The following PRR3 variants were observed in gnomAD, a reference collection of about 807,000 sequenced individuals.
PRR3 encodes proline rich 3.
PRR3 carries 16 observed loss-of-function variants against 22.4 expected under a neutral mutation model. That is an observed-to-expected ratio of 0.71 (90% CI 0.48 to 1.09). PRR3 has a LOEUF of 1.09. PRR3 is among the 50% of genes least tolerant of loss of function. PRR3 has a pLI of 0.00. For missense variants in PRR3, 224 were observed against 243.4 expected (o/e 0.92, Z 0.53); for synonymous variants, 87 against 88.6 (o/e 0.98, Z 0.10).
At chr6:30,557,800 G>A (rs1464178181) in intron 1 of PRR3, among the ~76,000 whole-genome samples, 2 of 152,222 alleles carry the variant, frequency 1.3e-5, no homozygotes, top group Admixed American at 1.3e-4. Flanking sequence ...AAAGGTACAG[G>A]TGCAGCTTTC....
rs370647121 is a variant in PRR3 at position 30,561,793 on chromosome 6, A to G, written c.170-41A>G. On this transcript the variant is annotated intron_variant, in intron 2 of 3. Transcript: ENST00000376560. The surrounding 1 kb of genome is among the most constrained non-coding windows in gnomAD (Gnocchi z 4.0). Reference sequence around the variant, plus strand: ...ACGGTTTATCAGGATTCAGCTGCCCATTAGACACCTTTCTGTGTCTCTCTC... The same window carrying G: ...ACGGTTTATCAGGATTCAGCTGCCCGTTAGACACCTTTCTGTGTCTCTCTC... 2.2e-4 allele frequency: 325 copies of G among 1,481,872 alleles called. 1 individual carries two copies. The highest frequency in any genetic ancestry group is 2.7e-4 in the Non-Finnish European group (306 of 1,114,558). 91.8% of individuals were successfully genotyped at this position (1,481,872 alleles called of 1,614,324 possible).
At position 30,561,622 on chromosome 6, in the gene PRR3, G is replaced by A. The variant is rs1333000759; in HGVS notation, c.170-212G>A. 1 of 603,332 alleles carries A rather than the reference G, an allele frequency of 1.7e-6. No homozygotes were observed. Among genetic ancestry groups the A allele is most frequent in the Non-Finnish European group, 2.9e-6 (1 of 342,046 alleles). 37.4% of individuals were successfully genotyped at this position (603,332 alleles called of 1,614,324 possible). On this transcript the variant is annotated intron_variant, in intron 2 of 3. Transcript: ENST00000376560. This position sits in a 1 kb window ranked among gnomAD's most constrained non-coding sequence, Gnocchi z 4.0. ...TAATGGGAAAAGGGGCACAAGGGGA[G>A]GATCTTTTGAGGTGCTAATAAGGCT...
chr6:30,558,205 TAA>T lies in PRR3; in HGVS notation c.163_164del (p.Lys55ValfsTer28). 6.2e-7 allele frequency: 1 copy of T among 1,612,812 alleles called. No individual in the cohort carries two copies. Among genetic ancestry groups the T allele is most frequent in the Non-Finnish European group, 8.5e-7 (1 of 1,179,864 alleles). ...TGGCCAATGGAAAACCTGGCGACCC[TAA>T]GTCAGGTGAGGAGGAAGGGGCCCTG... is the stretch of plus-strand genomic sequence containing the variant. Reference protein sequence around the residue: ...PMANGKPGDPKSALHRGPPGS... With the variant: ...PMANGKPGDPXSALHRGPPGS... On this transcript the variant is annotated frameshift_variant, in exon 2 of 4. Coordinates refer to ENST00000376560, the MANE Select transcript of PRR3 (RefSeq NM_025263.4). LOFTEE classifies it high-confidence loss of function.
upstream of PRR3, chr6:30,557,014 C>T: frequency 1.5e-6 from 1 of 687,126 alleles, no homozygotes; most frequent in Non-Finnish European, 2.7e-6. Context: ...CTCAGGCCCT[C>T]TGGCCCGAGA....
rs767773231 is a variant in PRR3, at chr6:30,557,329, C to T, written c.-16C>T. On this transcript the variant is annotated 5_prime_UTR_variant, in exon 1 of 4. Transcript: ENST00000376560. Reference sequence around the variant, plus strand: ...ACTACCCTCCAAATCCCGCTGCAGCCATTGCCGCAGACACGATGCCGAAAC... The same window carrying T: ...ACTACCCTCCAAATCCCGCTGCAGCTATTGCCGCAGACACGATGCCGAAAC... The T allele has an allele frequency of 1.3e-6, 2 of 1,599,820 alleles. No individual in the cohort carries two copies. The highest frequency in any genetic ancestry group is 1.7e-6 in the Non-Finnish European group (2 of 1,169,454).
Position 30,561,145 on chromosome 6 carries a change from C to G in PRR3, c.170-689C>G. The G allele has an allele frequency of 3.4e-6, 1 of 293,366 alleles. No homozygotes were observed. Among genetic ancestry groups the G allele is most frequent in the Non-Finnish European group, 6.7e-6 (1 of 149,980 alleles). 18.2% of individuals were successfully genotyped at this position (293,366 alleles called of 1,614,324 possible). ...TGTTGTCAAGGCTATAGGACAACTG[C>G]TGGTGAGAGTGCAAATTGGTATAAC... On this transcript the variant is annotated intron_variant, in intron 2 of 3. Transcript: ENST00000376560. This position sits in a 1 kb window ranked among gnomAD's most constrained non-coding sequence, Gnocchi z 4.0.
Position 30,557,429 on chromosome 6 carries a change from G to C in PRR3, c.85G>C (p.Glu29Gln). ...GCCCGAGCGGGAAGAGACTGGAGAT[G>C]AGGAGGATGGGAGTCCCATCGGTGA... ...PLPEREETGD[E>Q]EDGSPIGPPS... The change falls in exon 1 of 4, where the codon GAG becomes CAG. Residue 29 changes from glutamate (E) to glutamine (Q), a missense_variant. Glu to Gln is a conservative substitution (Grantham distance 29, BLOSUM62 2). Transcript: ENST00000376560. 6.2e-7 allele frequency: 1 copy of C among 1,611,556 alleles called. No homozygotes were observed. The highest frequency in any genetic ancestry group is 8.5e-7 in the Non-Finnish European group (1 of 1,179,356).
intron 2 of PRR3, among the ~76,000 whole-genome samples, chr6:30,558,742 T>C (rs1800423649): frequency 6.6e-6 from 1 of 152,178 alleles, no homozygotes; most frequent in Non-Finnish European, 1.5e-5. Context: ...TAGACATAAG[T>C]CAATAGGACT....
intron 1 of PRR3, 126 bp downstream of exon 1, chr6:30,557,576 TG>T (rs985895220): frequency 4.7e-5 from 31 of 659,906 alleles, no homozygotes; most frequent in Non-Finnish European, 7.5e-5. Context: ...TGGGGAGGGA[TG>T]GAAGTGGGGC....
chr6:30,562,399 C>A lies in PRR3; in HGVS notation c.471C>A (p.Asp157Glu). The A allele has an allele frequency of 6.2e-7, 1 of 1,613,592 alleles. No homozygotes were observed. The highest frequency in any genetic ancestry group is 8.5e-7 in the Non-Finnish European group (1 of 1,179,606). Residue 157 changes from aspartate to glutamate, a missense_variant, in exon 4 of 4, where the codon GAC becomes GAA. Transcript: ENST00000376560. ...TTCACTTGTTCACAGACAAATCCGACCGCCCTGTCTGCCGACATTTTGCCA... is the reference window on the plus strand; with the variant it reads ...TTCACTTGTTCACAGACAAATCCGAACGCCCTGTCTGCCGACATTTTGCCA... ...DDPQVMEDKS[D>E]RPVCRHFAKK...
intron 2 of PRR3, 156 bp downstream of exon 2, chr6:30,558,368 G>A (rs1343318134): frequency 1.6e-5 from 10 of 629,606 alleles, no homozygotes; most frequent in African/African-American, 1.5e-4. Flanking sequence ...AAAACTCAAT[G>A]TTGTAAAAAT....
chr6:30,556,902 G>C (rs1393484467), upstream of PRR3: 1 of 605,048 alleles, frequency 1.7e-6, no homozygotes, highest in Non-Finnish European at 2.9e-6. The surrounding 1 kb of genome is among the most constrained non-coding windows in gnomAD (Gnocchi z 5.7). Flanking sequence ...AGCGGGACAA[G>C]GACTTTTGGG....
intron 1 of PRR3, 127 bp from the exon 2 acceptor site, chr6:30,558,023 A>G: frequency 1.2e-6 from 1 of 800,126 alleles, no homozygotes; most frequent in Middle Eastern, 2.5e-4. Context: ...AACTCCCAAG[A>G]CTGCTGAAAA....
intron 2 of PRR3, 29 bp downstream of exon 2, chr6:30,558,241 A>G (rs1360059361): frequency 6.3e-7 from 1 of 1,595,586 alleles, no homozygotes; most frequent in Admixed American, 1.7e-5. Context: ...TGATCCTTGT[A>G]TTAGGTCGTA....
Position 30,557,401 on chromosome 6 carries a change from G to A in PRR3, c.57G>A (p.Pro19=), listed in dbSNP as rs766294611. ...AGCCACCGACACAGCAGCAGCCCCC[G>A]CTGCCCGAGCGGGAAGAGACTGGAG... ...HHQPPTQQQP[P]LPEREETGDE... is the part of the protein sequence containing the mutation. The change falls in exon 1 of 4, where the codon CCG becomes CCA. Residue 19 remains proline (P), a synonymous_variant. Transcript: ENST00000376560. 2 of 1,612,552 alleles carry A rather than the reference G, an allele frequency of 1.2e-6. No individual in the cohort carries two copies. The highest frequency in any genetic ancestry group is 2.7e-5 in the African/African-American group (2 of 74,944).
intron 3 of PRR3, 53 bp from the exon 4 acceptor site, chr6:30,562,336 T>G: frequency 1.4e-6 from 2 of 1,385,744 alleles, no homozygotes; most frequent in Non-Finnish European, 2.0e-6. Context: ...TTCATTGTAT[T>G]TGTTTTCTTT....
intron 2 of PRR3, among the ~76,000 whole-genome samples, chr6:30,559,086 A>G (rs1299480321): frequency 6.6e-6 from 1 of 152,266 alleles, no homozygotes; most frequent in Non-Finnish European, 1.5e-5. Context: ...GTTAGAAAAT[A>G]TAAATTTGCG....
At chr6:30,559,310 G>A (rs868474064) in intron 2 of PRR3, among the ~76,000 whole-genome samples, 3 of 152,314 alleles carry the variant, frequency 2.0e-5, no homozygotes, top group Middle Eastern at 6.8e-3. Context: ...CTGGAAGGCG[G>A]AGGTTGCAGT....
chr6:30,561,825 TC>T lies in PRR3; in HGVS notation c.170-8del. 3.3e-5 allele frequency: 50 copies of T among 1,525,144 alleles called. No homozygotes were observed. Among genetic ancestry groups the T allele is most frequent in the South Asian group, 6.2e-5 (5 of 81,204 alleles). The allele number at this position is 1,525,144 out of a possible 1,614,324, so 94.5% of individuals were successfully genotyped here. The stretch of plus-strand genomic sequence containing the variant: ...ACCTTTCTGTGTCTCTCTCTCTCTC[TC>T]TCTCCAGCTCTTCACAGAGGTCCTC... On this transcript the variant is annotated splice_polypyrimidine_tract_variant and splice_region_variant and intron_variant, in intron 2 of 3. Transcript: ENST00000376560. The surrounding 1 kb of genome is among the most constrained non-coding windows in gnomAD (Gnocchi z 4.0).
Sources: gnomAD v4.1 joint callset for allele counts (sites outside exome capture counted in the v4.1 genomes callset) on GRCh38, gnomAD v4.1.1 for gene constraint, Gnocchi (gnomAD v3.1) non-coding constraint, MANE v1.5 for transcripts, NCBI Gene and HGNC (gene_info 2026-07-23, HGNC 2026-07-21) for gene names.